The following RAPGEF2 variants were observed in gnomAD, a reference collection of about 807,000 sequenced individuals.
RAPGEF2 encodes the protein PDZ domain containing guanine nucleotide exchange factor (GEF) 1.
In RAPGEF2, 54 loss-of-function variants were observed where a neutral mutation model predicts 186.7. The observed-to-expected ratio is 0.29, with a 90% CI of 0.23 to 0.36. The LOEUF (loss-of-function observed/expected upper bound fraction) is 0.36. Ranked by LOEUF, RAPGEF2 falls within the 10% of genes least tolerant of loss-of-function variation. The probability of loss-of-function intolerance (pLI) is 1.00; values close to 1 mark genes in which losing one functional copy is unlikely to be tolerated. For missense variants in RAPGEF2, 1,532 were observed against 2,045.0 expected, an observed-to-expected ratio of 0.75 and a Z score of 4.84; for synonymous variants, 712 against 705.9, an observed-to-expected ratio of 1.01 and a Z score of -0.14.
intron 1 of RAPGEF2, among the ~76,000 whole-genome samples, chr4:159,168,426 T>C (rs545378200): frequency 6.6e-6 from 1 of 152,088 alleles, no homozygotes; most frequent in South Asian, 2.1e-4. Flanking sequence ...AATCCATCCT[T>C]GGCCTCCCCT....
chr4:159,275,082 TGTG>T (rs1259127439), intron 7 of RAPGEF2, among the ~76,000 whole-genome samples: 7 of 151,840 alleles, frequency 4.6e-5, no homozygotes, highest in African/African-American at 7.3e-5. Context: ...TGTGTGTGTG[TGTG>T]TGTGTGTGTG....
intron 1 of RAPGEF2, among the ~76,000 whole-genome samples, chr4:159,178,456 G>C (rs939998036): frequency 6.6e-6 from 1 of 150,698 alleles, no homozygotes; most frequent in African/African-American, 2.4e-5. Context: ...TATGAAGCCC[G>C]TTATATATTC....
At chr4:159,223,111 CAT>C (rs1338813925) in intron 4 of RAPGEF2, among the ~76,000 whole-genome samples, 2 of 151,968 alleles carry the variant, frequency 1.3e-5, no homozygotes, top group Non-Finnish European at 2.9e-5. Context: ...ATTTAAATGT[CAT>C]GTGGTTTTTA....
At chr4:159,331,182 C>T (rs1476187893) in intron 13 of RAPGEF2, among the ~76,000 whole-genome samples, 1 of 152,148 alleles carries the variant, frequency 6.6e-6, no homozygotes, top group Non-Finnish European at 1.5e-5. Flanking sequence ...GAAAGTTAGA[C>T]AAGTTTTAAG....
At chr4:159,347,817 C>T (rs922263589) in intron 25 of RAPGEF2, among the ~76,000 whole-genome samples, 64 of 151,994 alleles carry the variant, frequency 4.2e-4, no homozygotes, top group African/African-American at 1.5e-3. Context: ...AGTAGTTTAG[C>T]CCCTTTGTGG....
chr4:159,206,459 CT>C (rs1750001294), intron 3 of RAPGEF2, among the ~76,000 whole-genome samples: 1 of 152,148 alleles, frequency 6.6e-6, no homozygotes, highest in Non-Finnish European at 1.5e-5. Flanking sequence ...GAAGTGAGGT[CT>C]CAATTTGCAT....
At chr4:159,131,990 TGG>T (rs1365814086) in intron 1 of RAPGEF2, among the ~76,000 whole-genome samples, 8 of 152,154 alleles carry the variant, frequency 5.3e-5, no homozygotes, top group Non-Finnish European at 1.2e-4. Context: ...CAGATTTTAA[TGG>T]GTATATTGTT....
intron 4 of RAPGEF2, among the ~76,000 whole-genome samples, chr4:159,211,440 T>C (rs1413911974): frequency 6.6e-6 from 1 of 152,224 alleles, no homozygotes; most frequent in Non-Finnish European, 1.5e-5. Flanking sequence ...TAAATAAATA[T>C]TTTATTTGAA....
intron 9 of RAPGEF2, among the ~76,000 whole-genome samples, chr4:159,319,427 C>T (rs1460973751): frequency 6.6e-6 from 1 of 152,122 alleles, no homozygotes; most frequent in African/African-American, 2.4e-5. Context: ...CCCCCGCACC[C>T]ACCAAGAGTG....
chr4:159,260,045 T>C lies in RAPGEF2; in HGVS notation c.543+16254T>C, dbSNP rs138520699. On this transcript the variant is annotated intron_variant, in intron 7 of 29. Coordinates refer to ENST00000691494, the MANE Select transcript of RAPGEF2 (RefSeq NM_001394067.2). Reference sequence around the variant, plus strand: ...CAGGGTCTCACTCAGTTGCCCAGGCTAGAGTGCAGTGGTGCAGTCACGGGT... The same window carrying C: ...CAGGGTCTCACTCAGTTGCCCAGGCCAGAGTGCAGTGGTGCAGTCACGGGT... Among the ~76,000 whole-genome samples the C allele has an allele frequency of 1.0e-2, 1,518 of 152,274 alleles. 28 individuals are homozygous for C. The highest frequency in any genetic ancestry group is 0.035 in the African/African-American group (1,446 of 41,546).
rs111857314 is a variant in RAPGEF2 at position 159,131,523 on chromosome 4, T to G, written c.69+27292T>G. ...ATCTTTGTCTGATTAATTGCTATTT[T>G]TTTTTTTTTTTTTTTTTTTTTTTAG... On this transcript the variant is annotated intron_variant, in intron 1 of 29. Coordinates refer to ENST00000691494, the MANE Select transcript of RAPGEF2 (RefSeq NM_001394067.2). Among the ~76,000 whole-genome samples the G allele has an allele frequency of 8.5e-3, 653 of 76,504 alleles. 63 individuals are homozygous for G. The highest frequency in any genetic ancestry group is 0.03 in the African/African-American group (445 of 14,682). 50.2% of individuals were successfully genotyped at this position (76,504 alleles called of 152,430 possible). A position where few individuals can be genotyped will look rare whatever the true frequency, so the allele number is the denominator to read the frequency against.
intron 4 of RAPGEF2, among the ~76,000 whole-genome samples, chr4:159,236,866 A>T (rs1753322569): frequency 6.6e-6 from 1 of 152,222 alleles, no homozygotes; most frequent in South Asian, 2.1e-4. Flanking sequence ...AGTAACATGA[A>T]GATAGATTTA....
chr4:159,330,526 T>C, intron 13 of RAPGEF2, 28 bp downstream of exon 13: 1 of 1,526,760 alleles, frequency 6.5e-7, no homozygotes, highest in Non-Finnish European at 8.9e-7. Context: ...TTTTGTCTCT[T>C]AAATATGAAA....
chr4:159,305,668 G>A (rs931646467), intron 8 of RAPGEF2, among the ~76,000 whole-genome samples: 12 of 151,982 alleles, frequency 7.9e-5, no homozygotes, highest in Non-Finnish European at 1.5e-4. Context: ...TGTGCAGAAG[G>A]TTTTTAGTTT....
In RAPGEF2 at chr4:159,316,418, G is replaced by A. The variant is rs543460829; in HGVS notation, c.853+1650G>A. ...TCTTGCCTCGGCACCTGGGTGGCTT[G>A]CTGCCCACAGTACCCATTGGTAATT... On this transcript the variant is annotated intron_variant, in intron 9 of 29. Coordinates refer to ENST00000691494, the MANE Select transcript of RAPGEF2 (RefSeq NM_001394067.2). Among the ~76,000 whole-genome samples the A allele has an allele frequency of 3.3e-5, 5 of 152,188 alleles. No homozygotes were observed. The East Asian group carries it at 9.6e-4, about 29-fold the overall frequency.
At position 159,331,883 on chromosome 4, in the gene RAPGEF2, T is replaced by C. The variant is rs200559055; in HGVS notation, c.1780-43T>C. 18 of 1,592,918 alleles carry C rather than the reference T, an allele frequency of 1.1e-5. No homozygotes were observed. In the African/African-American group the frequency reaches 2.5e-4, roughly 22 times the overall value. On this transcript the variant is annotated intron_variant, in intron 15 of 29. Transcript: ENST00000691494. ...AGGGTGAATTTTGGTGTCTGGTTTT[T>C]TTTTTCAGTCAATTTTGATACATTT...
At chr4:159,313,416 T>C (rs1764181540) in intron 8 of RAPGEF2, among the ~76,000 whole-genome samples, 1 of 152,200 alleles carries the variant, frequency 6.6e-6, no homozygotes, top group Non-Finnish European at 1.5e-5. Context: ...TAATGGCTTT[T>C]ACTTTATAGG....
chr4:159,316,259 A>C (rs1018846561), intron 9 of RAPGEF2, among the ~76,000 whole-genome samples: 1 of 152,128 alleles, frequency 6.6e-6, no homozygotes, highest in Admixed American at 6.5e-5. Flanking sequence ...GGATTATTAT[A>C]ATATTGGAAT....
chr4:159,240,098 TAGTCTTAGA>T (rs1753781324), intron 5 of RAPGEF2, among the ~76,000 whole-genome samples: 1 of 152,166 alleles, frequency 6.6e-6, no homozygotes, highest in African/African-American at 2.4e-5. Flanking sequence ...CAACAGTAGA[TAGTCTTAGA>T]TATTTCCTTG....
Sources: gnomAD v4.1 joint callset for allele counts (sites outside exome capture counted in the v4.1 genomes callset) on GRCh38, gnomAD v4.1.1 for gene constraint, MANE v1.5 for transcripts, NCBI Gene and HGNC (gene_info 2026-07-23, HGNC 2026-07-21) for gene names.